The following SLIT3 variants were observed in gnomAD, a reference collection of about 807,000 sequenced individuals.
SLIT3 encodes the protein slit guidance ligand 3, also known as slit homolog 3 protein.
SLIT3 carries 68 observed loss-of-function variants against 184.0 expected under a neutral mutation model. The ratio of observed to expected loss-of-function variants is 0.37; its 90% CI spans 0.30 to 0.45. SLIT3 has a LOEUF of 0.45. Ranked by LOEUF, SLIT3 falls within the 20% of genes least tolerant of loss-of-function variation. The probability of loss-of-function intolerance (pLI) is 1.00; values close to 1 mark genes in which losing one functional copy is unlikely to be tolerated. For missense variants in SLIT3, 1,707 were observed against 2,026.0 expected (o/e 0.84, Z 3.02); for synonymous variants, 831 against 828.6 (o/e 1.00, Z -0.05).
intron 16 of SLIT3, among the ~76,000 whole-genome samples, chr5:168,756,559 C>G (rs909622334): frequency 6.6e-6 from 1 of 152,220 alleles, no homozygotes; most frequent in Non-Finnish European, 1.5e-5. Flanking sequence ...TCAGCAGACT[C>G]GCAGACTGGA....
At chr5:169,167,706 G>A (rs1256616765) in intron 4 of SLIT3, among the ~76,000 whole-genome samples, 2 of 152,166 alleles carry the variant, frequency 1.3e-5, no homozygotes, top group African/African-American at 4.8e-5. Flanking sequence ...GTAAGGAGCA[G>A]AGGGTGGCAA....
chr5:168,743,440 T>C (rs10462978), intron 20 of SLIT3, among the ~76,000 whole-genome samples: 15,791 of 152,238 alleles, frequency 0.1, 1,160 homozygotes, highest in East Asian at 0.2. Context: ...TGTAATTGTT[T>C]TGAGGCACCA....
chr5:168,698,222 C>T (rs1762116057), intron 27 of SLIT3, among the ~76,000 whole-genome samples: 1 of 152,026 alleles, frequency 6.6e-6, no homozygotes, highest in African/African-American at 2.4e-5. Flanking sequence ...GAATTGTGTT[C>T]CCCCCAAAAA....
chr5:168,833,056 A>G (rs891821963), intron 6 of SLIT3, among the ~76,000 whole-genome samples: 2 of 152,248 alleles, frequency 1.3e-5, no homozygotes, highest in African/African-American at 4.8e-5. Flanking sequence ...ATTGTAAATT[A>G]TTCATTGTTT....
intron 1 of SLIT3, among the ~76,000 whole-genome samples, chr5:169,256,491 C>T (rs917732205): frequency 4.6e-5 from 7 of 152,182 alleles, no homozygotes; most frequent in African/African-American, 1.4e-4. Flanking sequence ...ATGACTTTCA[C>T]GCAACAACGA....
At chr5:168,881,491 A>G (rs577813001) in intron 5 of SLIT3, among the ~76,000 whole-genome samples, 1 of 152,278 alleles carries the variant, frequency 6.6e-6, no homozygotes, top group South Asian at 2.1e-4. Flanking sequence ...GTGTCATGAG[A>G]TCTGACTGAT....
intron 5 of SLIT3, among the ~76,000 whole-genome samples, chr5:168,867,230 T>C (rs1759337117): frequency 1.3e-5 from 2 of 152,228 alleles, no homozygotes; most frequent in South Asian, 4.1e-4. Context: ...CAATTATTAC[T>C]TTACCATTAT....
At chr5:168,755,677 T>C (rs28396069) in intron 16 of SLIT3, among the ~76,000 whole-genome samples, 41,673 of 151,834 alleles carry the variant, frequency 0.27, 7,550 homozygotes, top group African/African-American at 0.51. Flanking sequence ...CTCAGGTGAT[T>C]CACCCACCTT....
At chr5:168,983,552 C>T (rs1364922430) in intron 4 of SLIT3, among the ~76,000 whole-genome samples, 2 of 152,218 alleles carry the variant, frequency 1.3e-5, no homozygotes, top group African/African-American at 2.4e-5. Context: ...GATGTCCATT[C>T]TTTGCTCTGT....
At chr5:169,194,480 G>A (rs1263753250) in intron 3 of SLIT3, among the ~76,000 whole-genome samples, 1 of 151,834 alleles carries the variant, frequency 6.6e-6, no homozygotes, top group East Asian at 1.9e-4. Flanking sequence ...TTGCCTTTGT[G>A]GGCTGCTTTC....
chr5:169,029,799 G>A (rs1410246237), intron 4 of SLIT3, among the ~76,000 whole-genome samples: 3 of 152,164 alleles, frequency 2.0e-5, no homozygotes, highest in Non-Finnish European at 2.9e-5. Flanking sequence ...TTGGGTTTGT[G>A]GAGAGGAATA....
chr5:169,104,972 G>A (rs935868411), intron 4 of SLIT3, among the ~76,000 whole-genome samples: 1 of 152,152 alleles, frequency 6.6e-6, no homozygotes, highest in Non-Finnish European at 1.5e-5. Flanking sequence ...AAAAGAATTA[G>A]TGTCTCAGAA....
chr5:169,192,218 G>A lies in SLIT3; in HGVS notation c.413+1261C>T, dbSNP rs1372829976. Among the ~76,000 whole-genome samples the A allele has an allele frequency of 2.6e-5, 4 of 152,066 alleles. No homozygotes were observed. The South Asian group carries it at 6.2e-4, about 24-fold the overall frequency. On this transcript the variant is annotated intron_variant, in intron 4 of 35. Transcript: ENST00000519560. ...CCCAGACTGGAAGAGTAAAAAGGAG[G>A]GTATAGCCTTTCCTACATTTAGCAA...
At chr5:168,714,567 G>A (rs1056231444) in intron 23 of SLIT3, among the ~76,000 whole-genome samples, 3 of 152,120 alleles carry the variant, frequency 2.0e-5, no homozygotes, top group African/African-American at 7.2e-5. Context: ...TGGGCGACAA[G>A]AGTGAAACTC....
chr5:168,819,584 T>C (rs1757453691), intron 7 of SLIT3, among the ~76,000 whole-genome samples: 1 of 152,210 alleles, frequency 6.6e-6, no homozygotes. Flanking sequence ...TGTGTGCATG[T>C]GGCGGATCAC....
chr5:168,889,522 G>A lies in SLIT3; in HGVS notation c.414-6186C>T, dbSNP rs115143510. On this transcript the variant is annotated intron_variant, in intron 4 of 35. Transcript: ENST00000519560. ...TCATTGCAGTGAGAGTTTACTTTAC[G>A]TGTTCCCTTGAGGTTAAAAAGTTAC... 7.1e-3 allele frequency among the ~76,000 whole-genome samples: 1,087 copies of A among 152,286 alleles called. 13 individuals carry two copies. Among genetic ancestry groups the A allele is most frequent in the African/African-American group, 0.025 (1,020 of 41,548 alleles).
chr5:168,786,861 A>G (rs1262530999), intron 11 of SLIT3, among the ~76,000 whole-genome samples: 1 of 152,152 alleles, frequency 6.6e-6, no homozygotes, highest in Non-Finnish European at 1.5e-5. Flanking sequence ...TCTTGGGTCC[A>G]GCCTCCTCTG....
intron 4 of SLIT3, among the ~76,000 whole-genome samples, chr5:169,121,156 T>C (rs1309217054): frequency 6.6e-6 from 1 of 152,206 alleles, no homozygotes; most frequent in Non-Finnish European, 1.5e-5. Context: ...GATATGGTCA[T>C]TCTCATGAAC....
intron 4 of SLIT3, among the ~76,000 whole-genome samples, chr5:169,016,379 A>C (rs1359401167): frequency 3.3e-5 from 5 of 152,222 alleles, no homozygotes; most frequent in Non-Finnish European, 5.9e-5. Context: ...TAACGGGTGA[A>C]ATGACCAGCA....
Sources: allele counts gnomAD v4.1 joint callset (sites outside exome capture counted in the v4.1 genomes callset), GRCh38; gene constraint gnomAD v4.1.1; transcripts MANE v1.5; gene names NCBI Gene and HGNC (gene_info 2026-07-23, HGNC 2026-07-21).